Variants in PROSER3 observed in about 807,000 individuals in gnomAD.
PROSER3 encodes proline and serine rich 3.
PROSER3 carries 33 observed loss-of-function variants against 50.2 expected under a neutral mutation model. The ratio of observed to expected loss-of-function variants is 0.66; its 90% CI spans 0.50 to 0.88. The LOEUF (loss-of-function observed/expected upper bound fraction) is 0.88. Among genes scored for constraint, PROSER3 ranks in the 40% least tolerant of loss-of-function variants. The pLI, the probability that PROSER3 is intolerant of heterozygous loss-of-function variation, is 0.00. For synonymous variants in PROSER3, 266 were observed against 259.3 expected, an observed-to-expected ratio of 1.03 and a Z score of -0.25; for missense variants, 623 against 612.7, an observed-to-expected ratio of 1.02 and a Z score of -0.18.
In PROSER3 at chr19:35,765,558, C is replaced by T. The variant is rs548393423; in HGVS notation, c.769+382C>T. Among the ~76,000 whole-genome samples, 15 of 151,876 alleles carry T rather than the reference C, an allele frequency of 9.9e-5. No individual in the cohort carries two copies. In the South Asian group the frequency reaches 1.9e-3, roughly 19 times the overall value. ...TTGCGCCATTGCACTCCAGCTTGGGCGACAGAGAGAGACTCCATCTCAAAA... is the reference window on the plus strand; with the variant it reads ...TTGCGCCATTGCACTCCAGCTTGGGTGACAGAGAGAGACTCCATCTCAAAA... On this transcript the variant is annotated intron_variant, in intron 7 of 10. Transcript: ENST00000396908.
chr19:35,759,531 A>G (rs1270207805), intron 2 of PROSER3, 61 bp downstream of exon 2: 2 of 1,430,508 alleles, frequency 1.4e-6, no homozygotes, highest in African/African-American at 1.4e-5. Context: ...TGACCTTTAG[A>G]GGGTAGGAAG....
At chr19:35,759,325 G>A in intron 1 of PROSER3, 49 bp from the exon 2 acceptor site, 1 of 1,486,984 alleles carries the variant, frequency 6.7e-7, no homozygotes, top group Non-Finnish European at 9.3e-7. Flanking sequence ...CCCCTCCCCA[G>A]GGCTGCGGCG....
intron 5 of PROSER3, among the ~76,000 whole-genome samples, chr19:35,763,549 G>A: frequency 7.0e-6 from 1 of 142,140 alleles, no homozygotes; most frequent in South Asian, 2.2e-4. Context: ...TGTCATCCAG[G>A]CTGGAGTGCA....
At chr19:35,766,024 G>A (rs1020878185) in intron 7 of PROSER3, among the ~76,000 whole-genome samples, 1 of 152,164 alleles carries the variant, frequency 6.6e-6, no homozygotes, top group African/African-American at 2.4e-5. Context: ...TCTTAAGTAC[G>A]AGAGGCCTGG....
chr19:35,762,048 C>T, exon 4 of PROSER3: 1 of 1,610,318 alleles, frequency 6.2e-7, no homozygotes, highest in Non-Finnish European at 8.5e-7. Context: ...CAGGCTCAGC[C>T]CACCAGTCGA....
At chr19:35,759,869 G>T in exon 3 of PROSER3, 1 of 1,586,022 alleles carries the variant, frequency 6.3e-7, no homozygotes. Flanking sequence ...ACTCCCCTGA[G>T]CTGTTTGAGG....
downstream of PROSER3, chr19:35,769,213 A>G (rs1282925502): frequency 1.3e-5 from 2 of 151,454 alleles, no homozygotes; most frequent in Non-Finnish European, 2.9e-5. Flanking sequence ...CCTCATTACC[A>G]TTTCTACCCA....
downstream of PROSER3, among the ~76,000 whole-genome samples, chr19:35,770,188 CCA>C (rs1971293991): frequency 6.6e-6 from 1 of 152,132 alleles, no homozygotes; most frequent in Admixed American, 6.6e-5. Context: ...CAGGCATGAG[CCA>C]TCATGCCTGG....
At chr19:35,767,647 G>A (rs1686675810) in intron 8 of PROSER3, 1 of 950,674 alleles carries the variant, frequency 1.1e-6, no homozygotes, top group Admixed American at 2.9e-5. Flanking sequence ...TCCTGGGCCA[G>A]GTAGTGGCAG....
intron 5 of PROSER3, among the ~76,000 whole-genome samples, chr19:35,763,240 C>T (rs1243969714): frequency 1.3e-5 from 2 of 151,712 alleles, no homozygotes; most frequent in East Asian, 3.9e-4. Flanking sequence ...CTTGCTCTGT[C>T]ACCCAGGCTG....
At chr19:35,770,734 G>A (rs771086289), downstream of PROSER3, 5 of 152,060 alleles carry the variant, frequency 3.3e-5, no homozygotes, top group Non-Finnish European at 7.4e-5. Flanking sequence ...AATTGGCCAG[G>A]CATTGGTGGT....
chr19:35,764,739 G>A, intron 5 of PROSER3, 115 bp from the exon 6 acceptor site: 3 of 873,598 alleles, frequency 3.4e-6, no homozygotes, highest in Non-Finnish European at 5.3e-6. Context: ...CAGATCCTAA[G>A]CTGGCATGTG....
intron 5 of PROSER3, among the ~76,000 whole-genome samples, chr19:35,763,931 C>T (rs867324515): frequency 2.0e-5 from 3 of 150,620 alleles, no homozygotes; most frequent in Middle Eastern, 3.2e-3. Flanking sequence ...GGGACTACAG[C>T]ATGCGCCACC....
downstream of PROSER3, chr19:35,770,712 T>C (rs1055920947): frequency 6.6e-6 from 1 of 151,260 alleles, no homozygotes; most frequent in Non-Finnish European, 1.5e-5. Context: ...ATGTCTCTAC[T>C]AAAAATACAA....
In PROSER3 at chr19:35,768,389, C is replaced by T. The variant is rs956798452; in HGVS notation, c.1302-15C>T. On this transcript the variant is annotated splice_polypyrimidine_tract_variant and intron_variant, in intron 10 of 10. Transcript: ENST00000396908. ...AGCACATACCCCAGCCTCTGCTCTC[C>T]CGGCCTTTCTCCAGGGAAGCGGATG... The T allele has an allele frequency of 6.3e-7, 1 of 1,593,508 alleles. No individual in the cohort carries two copies. The highest frequency in any genetic ancestry group is 2.2e-5 in the East Asian group (1 of 44,778).
intron 5 of PROSER3, 92 bp from the exon 6 acceptor site, chr19:35,764,762 G>C: frequency 1.7e-6 from 2 of 1,147,402 alleles, no homozygotes; most frequent in Non-Finnish European, 2.5e-6. Context: ...GTTACCAAGG[G>C]CAGTACAACC....
intron 5 of PROSER3, among the ~76,000 whole-genome samples, chr19:35,764,080 G>A (rs927178037): frequency 1.3e-5 from 2 of 151,852 alleles, no homozygotes; most frequent in East Asian, 3.9e-4. Context: ...GAGCCACCAC[G>A]CCCGCCTCTG....
intron 7 of PROSER3, among the ~76,000 whole-genome samples, chr19:35,766,404 C>T (rs1372920062): frequency 1.3e-5 from 2 of 151,994 alleles, no homozygotes; most frequent in African/African-American, 4.8e-5. Flanking sequence ...AAATTACCCC[C>T]GTGTGGTGGC....
At chr19:35,765,324 A>C in intron 7 of PROSER3, 148 bp downstream of exon 7, 1 of 1,082,962 alleles carries the variant, frequency 9.2e-7, no homozygotes, top group South Asian at 1.6e-5. Flanking sequence ...TCAGGCATGG[A>C]GGCCGAGGCG....
Sources: allele counts gnomAD v4.1 joint callset (sites outside exome capture counted in the v4.1 genomes callset), GRCh38; gene constraint gnomAD v4.1.1; transcripts MANE v1.5; gene names NCBI Gene and HGNC (gene_info 2026-07-23, HGNC 2026-07-21).